Variants in NUP37 observed in about 807,000 individuals in gnomAD.
The protein encoded by NUP37 is nucleoporin 37, also known as nucleoporin Nup37.
In NUP37, 33 loss-of-function variants were observed where a neutral mutation model predicts 45.4. The ratio of observed to expected loss-of-function variants is 0.73; its 90% CI spans 0.55 to 0.97. The LOEUF is 0.97. Ranked by LOEUF, NUP37 falls within the 50% of genes least tolerant of loss-of-function variation. The pLI is 0.00. For missense variants in NUP37, 365 were observed against 389.7 expected, an observed-to-expected ratio of 0.94 and a Z score of 0.53; for synonymous variants, 127 against 130.7, an observed-to-expected ratio of 0.97 and a Z score of 0.19.
intron 3 of NUP37, among the ~76,000 whole-genome samples, chr12:102,105,813 G>T (rs933349988): frequency 7.4e-6 from 1 of 135,798 alleles, no homozygotes; most frequent in Non-Finnish European, 1.5e-5. Flanking sequence ...AGTGAGCCGA[G>T]ATCACGCCAA....
At chr12:102,100,577 G>T (rs191008503) in intron 4 of NUP37, among the ~76,000 whole-genome samples, 135 of 152,260 alleles carry the variant, frequency 8.9e-4, no homozygotes, top group South Asian at 1.9e-3. Flanking sequence ...CTTAACCAAG[G>T]TCACACCACG....
chr12:102,077,319 T>C lies in NUP37; in HGVS notation c.722+3A>G, dbSNP rs778559475. ...GTAATAGACAAACATATCAAGAAAG[T>C]ACCTGGACCGAGTAATATCCCAAAT... On this transcript the variant is annotated splice_donor_region_variant and intron_variant, in intron 7 of 9. Coordinates refer to ENST00000552283, the MANE Select transcript of NUP37 (RefSeq NM_024057.4). 1 of 1,613,972 alleles carries C rather than the reference T, an allele frequency of 6.2e-7. No homozygotes were observed. The highest frequency in any genetic ancestry group is 1.1e-5 in the South Asian group (1 of 91,076).
intron 3 of NUP37, 100 bp from the exon 4 acceptor site, chr12:102,101,204 T>C: frequency 1.7e-6 from 1 of 580,320 alleles, no homozygotes; most frequent in South Asian, 2.4e-5. Context: ...GAAGCTTTTA[T>C]CATAACTCAT....
Position 102,120,112 on chromosome 12 carries a change from T to G in NUP37, c.-128A>C. The G allele has an allele frequency of 5.7e-6, 1 of 175,882 alleles. No homozygotes were observed. Among genetic ancestry groups the G allele is most frequent in the Admixed American group, 6.0e-5 (1 of 16,566 alleles). 10.9% of individuals were successfully genotyped at this position (175,882 alleles called of 1,614,324 possible). On this transcript the variant is annotated 5_prime_UTR_variant, in exon 1 of 10. Coordinates refer to ENST00000552283, the MANE Select transcript of NUP37 (RefSeq NM_024057.4). Reference sequence around the variant, plus strand: ...TTCCTTGGGGGCTGCCGCGACGCGCTGTGGCTCTGCTTCCGGGTCGGAGGG... The same window carrying G: ...TTCCTTGGGGGCTGCCGCGACGCGCGGTGGCTCTGCTTCCGGGTCGGAGGG...
rs931050731 is a variant in NUP37, at chr12:102,073,640, T to G, written c.*714A>C. On this transcript the variant is annotated 3_prime_UTR_variant, in exon 10 of 10. Transcript: ENST00000552283. ...TAAATTGAGTACACATACACATATATATACTCAACAACCACTTCCAGAATA... is the reference window on the plus strand; with the variant it reads ...TAAATTGAGTACACATACACATATAGATACTCAACAACCACTTCCAGAATA... The G allele has an allele frequency of 2.6e-5, 4 of 152,164 alleles. No individual in the cohort carries two copies. Among genetic ancestry groups the G allele is most frequent in the Admixed American group, 6.5e-5 (1 of 15,272 alleles). 9.4% of individuals were successfully genotyped at this position (152,164 alleles called of 1,614,324 possible). A position where few individuals can be genotyped will look rare whatever the true frequency, so the allele number is the denominator to read the frequency against.
At chr12:102,085,588 T>G (rs183466062) in intron 6 of NUP37, among the ~76,000 whole-genome samples, 178 bp downstream of exon 6, 1 of 152,286 alleles carries the variant, frequency 6.6e-6, no homozygotes. Flanking sequence ...AATAAAAACC[T>G]TAACAATTAT....
intron 5 of NUP37, among the ~76,000 whole-genome samples, chr12:102,097,858 C>T (rs1427516585): frequency 3.3e-5 from 5 of 152,092 alleles, no homozygotes; most frequent in African/African-American, 1.2e-4. Context: ...TCATGTAAAT[C>T]TTTCATATCT....
intron 6 of NUP37, among the ~76,000 whole-genome samples, chr12:102,084,401 T>C (rs1453949227): frequency 6.6e-6 from 1 of 152,024 alleles, no homozygotes; most frequent in Non-Finnish European, 1.5e-5. Flanking sequence ...GTCCCAGCAA[T>C]ATGGGAGGCC....
At chr12:102,095,186 A>T (rs550027716) in intron 5 of NUP37, among the ~76,000 whole-genome samples, 2 of 152,202 alleles carry the variant, frequency 1.3e-5, no homozygotes, top group South Asian at 4.1e-4. Flanking sequence ...AGTGAGTTTT[A>T]AAAAATAATA....
chr12:102,075,282 C>G (rs575083114), intron 8 of NUP37, among the ~76,000 whole-genome samples, 188 bp from the exon 9 acceptor site: 1 of 152,078 alleles, frequency 6.6e-6, no homozygotes, highest in East Asian at 1.9e-4. Flanking sequence ...CTCAAGTGAT[C>G]TTCCCACCTC....
chr12:102,074,952 A>G, intron 9 of NUP37, 49 bp downstream of exon 9: 1 of 1,256,796 alleles, frequency 8.0e-7, no homozygotes, highest in East Asian at 2.5e-5. Flanking sequence ...TCAAAAACAC[A>G]AATTAAAAAA....
At chr12:102,086,370 T>A (rs1475463514) in intron 5 of NUP37, among the ~76,000 whole-genome samples, 1 of 152,244 alleles carries the variant, frequency 6.6e-6, no homozygotes, top group African/African-American at 2.4e-5. Context: ...TGCTTATTCC[T>A]TCTACCTTTA....
chr12:102,081,952 C>A (rs1350658930), intron 6 of NUP37, among the ~76,000 whole-genome samples: 1 of 152,126 alleles, frequency 6.6e-6, no homozygotes, highest in African/African-American at 2.4e-5. Flanking sequence ...CCTGTCTCGG[C>A]CTCCCAAGGT....
Position 102,112,080 on chromosome 12 carries a change from G to T in NUP37, c.281+28C>A, listed in dbSNP as rs1180801984. On this transcript the variant is annotated intron_variant, in intron 3 of 9. Coordinates refer to ENST00000552283, the MANE Select transcript of NUP37 (RefSeq NM_024057.4). ...TAACACAATCAAAGTACATTAGTAA[G>T]GAATGCATTTGGTACTGTTAAACTT... The T allele has an allele frequency of 1.9e-6, 3 of 1,603,186 alleles. No homozygotes were observed. The East Asian group carries it at 6.7e-5, about 36-fold the overall frequency.
At chr12:102,091,692 G>C (rs1239417415) in intron 5 of NUP37, among the ~76,000 whole-genome samples, 1 of 152,052 alleles carries the variant, frequency 6.6e-6, no homozygotes, top group Non-Finnish European at 1.5e-5. Flanking sequence ...AGGGCACTGG[G>C]TAAGTAAAGC....
chr12:102,115,521 A>G (rs1338811177), intron 2 of NUP37, among the ~76,000 whole-genome samples: 1 of 152,188 alleles, frequency 6.6e-6, no homozygotes, highest in East Asian at 1.9e-4. Context: ...TTCTTATTGC[A>G]CTGCTTTATA....
At chr12:102,107,953 A>T (rs1423608393) in intron 3 of NUP37, among the ~76,000 whole-genome samples, 3 of 152,226 alleles carry the variant, frequency 2.0e-5, no homozygotes, top group Non-Finnish European at 4.4e-5. Flanking sequence ...CTCAAGTGTT[A>T]GTAATGTCCT....
At chr12:102,091,869 T>C (rs953810379) in intron 5 of NUP37, among the ~76,000 whole-genome samples, 9 of 152,224 alleles carry the variant, frequency 5.9e-5, no homozygotes, top group Non-Finnish European at 1.5e-5. Context: ...ATTATGCTTA[T>C]TTTACTTTTA....
intron 2 of NUP37, among the ~76,000 whole-genome samples, chr12:102,117,425 A>T (rs773067825): frequency 1.0e-4 from 15 of 150,656 alleles, no homozygotes; most frequent in Admixed American, 2.0e-4. Flanking sequence ...CTGGGCGACC[A>T]AGCAAAACTC....
Sources: allele counts gnomAD v4.1 joint callset (sites outside exome capture counted in the v4.1 genomes callset), GRCh38; gene constraint gnomAD v4.1.1; transcripts MANE v1.5; gene names NCBI Gene and HGNC (gene_info 2026-07-23, HGNC 2026-07-21).